Variants in CCDC27 observed in about 807,000 individuals in gnomAD.
CCDC27 encodes the protein coiled-coil domain-containing protein 27.
A neutral mutation model predicts 80.3 loss-of-function variants in CCDC27; 80 were observed. The ratio of observed to expected loss-of-function variants is 1.00; its 90% CI spans 0.83 to 1.20. The LOEUF (loss-of-function observed/expected upper bound fraction) is 1.20, where lower values mean the gene tolerates loss of function less well. Among genes scored for constraint, CCDC27 ranks in the 50% most tolerant of loss-of-function variants. The pLI is 0.00. For missense variants in CCDC27, 815 were observed against 809.4 expected, an observed-to-expected ratio of 1.01 and a Z score of -0.08; for synonymous variants, 342 against 334.3, an observed-to-expected ratio of 1.02 and a Z score of -0.25.
rs1227266108 is a variant in CCDC27 at position 3,768,723 on chromosome 1, G to C, written c.1744-1060G>C. 6.6e-6 allele frequency among the ~76,000 whole-genome samples: 1 copy of C among 152,156 alleles called. No individual in the cohort carries two copies. Among genetic ancestry groups the C allele is most frequent in the African/African-American group, 2.4e-5 (1 of 41,428 alleles). ...TGTGAAGCTAAGTCCGGGTGAGCAG[G>C]AACTAGCGCCAAGCCTGATGGTGAG... On this transcript the variant is annotated intron_variant, in intron 10 of 11. Transcript: ENST00000294600. This position sits in a 1 kb window ranked among gnomAD's most constrained non-coding sequence, Gnocchi z 5.6.
intron 8 of CCDC27, among the ~76,000 whole-genome samples, chr1:3,764,073 G>T (rs905169463): frequency 2.6e-5 from 4 of 152,164 alleles, no homozygotes; most frequent in Non-Finnish European, 5.9e-5. Context: ...CTGTCCCTGG[G>T]CTGGAGGCAA....
In CCDC27 at chr1:3,766,740, C is replaced by T; in HGVS notation, c.1530+128C>T. The T allele has an allele frequency of 1.5e-6, 1 of 684,318 alleles. No individual in the cohort carries two copies. The allele number at this position is 684,318 out of a possible 1,614,324, so 42.4% of individuals were successfully genotyped here. On this transcript the variant is annotated intron_variant, in intron 9 of 11. Coordinates refer to ENST00000294600, the MANE Select transcript of CCDC27 (RefSeq NM_152492.3). This position sits in a 1 kb window ranked among gnomAD's most constrained non-coding sequence, Gnocchi z 6.1. ...AGCCAGGACCCCTTCGGTAGCATGC[C>T]ACTCGACAGATCTCTGCACCCCACG...
chr1:3,766,554 A>G lies in CCDC27; in HGVS notation c.1472A>G (p.Asp491Gly). ...TTCCAGTTCTCCAACCTCCGAGAAG[A>G]TAAGAAACACCAAGAGATGATGGGG... The part of the protein sequence containing the change: ...MTDKFSNLRE[D>G]KKHQEMMGLI... Residue 491 changes from aspartate to glycine, a missense_variant, in exon 9 of 12, where the codon GAT (aspartate) becomes GGT (glycine). Coordinates refer to ENST00000294600, the MANE Select transcript of CCDC27 (RefSeq NM_152492.3). The surrounding 1 kb of genome is among the most constrained non-coding windows in gnomAD (Gnocchi z 6.1). 1 of 1,613,942 alleles carries G rather than the reference A, an allele frequency of 6.2e-7. No individual in the cohort carries two copies. The highest frequency in any genetic ancestry group is 8.5e-7 in the Non-Finnish European group (1 of 1,179,950).
At position 3,761,241 on chromosome 1, in the gene CCDC27, C is replaced by T; in HGVS notation, c.712-40C>T. 1.2e-6 allele frequency: 2 copies of T among 1,603,162 alleles called. No homozygotes were observed. The highest frequency in any genetic ancestry group is 1.7e-6 in the Non-Finnish European group (2 of 1,174,080). On this transcript the variant is annotated intron_variant, in intron 4 of 11. Transcript: ENST00000294600. This position sits in a 1 kb window ranked among gnomAD's most constrained non-coding sequence, Gnocchi z 5.0. Reference sequence around the variant, plus strand: ...GGCAGGTCAGGGGAAGAGTGTGTGGCTGCATGGCCCACGGGGGCTGCCCTT... The same window carrying T: ...GGCAGGTCAGGGGAAGAGTGTGTGGTTGCATGGCCCACGGGGGCTGCCCTT...
At chr1:3,770,077 G>C in intron 11 of CCDC27, among the ~76,000 whole-genome samples, 190 bp downstream of exon 11, 1 of 152,166 alleles carries the variant, frequency 6.6e-6, no homozygotes, top group Non-Finnish European at 1.5e-5. Context: ...CCTAAGGCAG[G>C]TGGGGGCATG....
chr1:3,756,553 A>G (rs1642958801), intron 3 of CCDC27, 180 bp from the exon 4 acceptor site: 1 of 614,358 alleles, frequency 1.6e-6, no homozygotes, highest in Non-Finnish European at 2.8e-6. Context: ...TGTTCACAGC[A>G]GCACCACACT....
chr1:3,762,530 G>A lies in CCDC27; in HGVS notation c.862-90G>A, dbSNP rs947392505. ...CAGGTCCCCTCCCCAGACATGAGAG[G>A]CCGCTGTCCCTTCTAGGACAGGCAG... On this transcript the variant is annotated intron_variant, in intron 5 of 11. Coordinates refer to ENST00000294600, the MANE Select transcript of CCDC27 (RefSeq NM_152492.3). The A allele has an allele frequency of 5.0e-6, 5 of 1,009,232 alleles. No homozygotes were observed. The African/African-American group carries it at 6.5e-5, about 13-fold the overall frequency. The allele number at this position is 1,009,232 out of a possible 1,614,324, so 62.5% of individuals were successfully genotyped here. A position where few individuals can be genotyped will look rare whatever the true frequency, so the allele number is the denominator to read the frequency against.
At position 3,769,493 on chromosome 1, in the gene CCDC27, ATG is replaced by A. The variant is rs912344883; in HGVS notation, c.1744-282_1744-281del. Among the ~76,000 whole-genome samples the A allele has an allele frequency of 6.6e-6, 1 of 152,012 alleles. No homozygotes were observed. The highest frequency in any genetic ancestry group is 1.5e-5 in the Non-Finnish European group (1 of 67,986). ...TTTGTTGGTTTAAAAATATATATAT[ATG>A]TGTGTGTAGGTTTTACTTTCCAATT... On this transcript the variant is annotated intron_variant, in intron 10 of 11. Coordinates refer to ENST00000294600, the MANE Select transcript of CCDC27 (RefSeq NM_152492.3). The surrounding 1 kb of genome is among the most constrained non-coding windows in gnomAD (Gnocchi z 4.6).
intron 8 of CCDC27, among the ~76,000 whole-genome samples, chr1:3,764,584 T>C (rs1194739522): frequency 6.6e-6 from 1 of 152,214 alleles, no homozygotes; most frequent in African/African-American, 2.4e-5. Flanking sequence ...ATTAGGACAG[T>C]TATTTGTCTC....
chr1:3,766,567 A>G lies in CCDC27; in HGVS notation c.1485A>G (p.Gln495=). The change falls in exon 9 of 12, where the codon CAA becomes CAG. Residue 495 remains glutamine, a synonymous_variant. Transcript: ENST00000294600. The surrounding 1 kb of genome is among the most constrained non-coding windows in gnomAD (Gnocchi z 6.1). ...ACCTCCGAGAAGATAAGAAACACCA[A>G]GAGATGATGGGGCTCATTGAAAAGG... ...FSNLREDKKH[Q]EMMGLIEKDN... The G allele has an allele frequency of 6.2e-7, 1 of 1,613,878 alleles. No individual in the cohort carries two copies. The highest frequency in any genetic ancestry group is 8.5e-7 in the Non-Finnish European group (1 of 1,179,944).
intron 4 of CCDC27, 29 bp downstream of exon 4, chr1:3,756,919 C>A (rs1313286151): frequency 6.9e-6 from 11 of 1,595,774 alleles, no homozygotes; most frequent in African/African-American, 4.0e-5. Context: ...CAAATCCCGG[C>A]CCCCCACCCC....
chr1:3,768,924 T>A lies in CCDC27; in HGVS notation c.1744-859T>A, dbSNP rs1164263932. Among the ~76,000 whole-genome samples the A allele has an allele frequency of 1.3e-5, 2 of 152,138 alleles. No individual in the cohort carries two copies. The highest frequency in any genetic ancestry group is 4.8e-5 in the African/African-American group (2 of 41,450). ...TAAATACTGGAAAGAAGGAAAGGAT[T>A]CCACTCCTCACACAGGCCAGGGGCC... On this transcript the variant is annotated intron_variant, in intron 10 of 11. Coordinates refer to ENST00000294600, the MANE Select transcript of CCDC27 (RefSeq NM_152492.3). This position sits in a 1 kb window ranked among gnomAD's most constrained non-coding sequence, Gnocchi z 5.6.
At chr1:3,758,215 G>T (rs1643006844) in intron 4 of CCDC27, among the ~76,000 whole-genome samples, 2 of 152,114 alleles carry the variant, frequency 1.3e-5, no homozygotes, top group Non-Finnish European at 2.9e-5. Context: ...TTTTGAGACA[G>T]AGTCTCTCTC....
rs926746766 is a variant in CCDC27, at chr1:3,766,399, T to C, written c.1453-136T>C. 6.6e-6 allele frequency: 4 copies of C among 609,570 alleles called. No individual in the cohort carries two copies. Among genetic ancestry groups the C allele is most frequent in the Admixed American group, 3.1e-5 (1 of 32,774 alleles). 37.8% of individuals were successfully genotyped at this position (609,570 alleles called of 1,614,324 possible). On this transcript the variant is annotated intron_variant, in intron 8 of 11. Coordinates refer to ENST00000294600, the MANE Select transcript of CCDC27 (RefSeq NM_152492.3). This position sits in a 1 kb window ranked among gnomAD's most constrained non-coding sequence, Gnocchi z 6.1. Reference sequence around the variant, plus strand: ...ATTTTTAGTCCTTTTTCTTCTTCTCTTCTCCCTGCCTTCAATAGAAATCCC... The same window carrying C: ...ATTTTTAGTCCTTTTTCTTCTTCTCCTCTCCCTGCCTTCAATAGAAATCCC...
intron 4 of CCDC27, among the ~76,000 whole-genome samples, chr1:3,757,789 G>A (rs1362618706): frequency 6.6e-6 from 1 of 152,040 alleles, no homozygotes; most frequent in Non-Finnish European, 1.5e-5. Context: ...AGGCGTGGTG[G>A]TGGGTGCCTG....
In CCDC27 at chr1:3,761,268, G is replaced by C. The variant is rs1298677968; in HGVS notation, c.712-13G>C. 6.2e-7 allele frequency: 1 copy of C among 1,612,954 alleles called. No individual in the cohort carries two copies. The highest frequency in any genetic ancestry group is 8.5e-7 in the Non-Finnish European group (1 of 1,179,324). ...GCATGGCCCACGGGGGCTGCCCTTG[G>C]TTTTCTGCCCAGGATCACTGCCTGT... On this transcript the variant is annotated splice_polypyrimidine_tract_variant and intron_variant, in intron 4 of 11. Transcript: ENST00000294600. The surrounding 1 kb of genome is among the most constrained non-coding windows in gnomAD (Gnocchi z 5.0).
At chr1:3,762,598 G>A in intron 5 of CCDC27, 22 bp from the exon 6 acceptor site, 1 of 1,548,006 alleles carries the variant, frequency 6.5e-7, no homozygotes, top group Non-Finnish European at 8.7e-7. Flanking sequence ...GGAAAGCTGA[G>A]GGTCCCACGG....
intron 3 of CCDC27, chr1:3,755,771 G>A: frequency 1.7e-6 from 1 of 576,276 alleles, no homozygotes; most frequent in South Asian, 2.0e-5. Context: ...AGTCCCCCCA[G>A]GACCGTGGCC....
chr1:3,769,398 C>T lies in CCDC27; in HGVS notation c.1744-385C>T, dbSNP rs1023244506. On this transcript the variant is annotated intron_variant, in intron 10 of 11. Transcript: ENST00000294600. The surrounding 1 kb of genome is among the most constrained non-coding windows in gnomAD (Gnocchi z 4.6). ...GAGTGTCCCCAAGGGCCAGGAAGTC[C>T]GCTCACTGCAGCTCCCCTGGGCAGT... Among the ~76,000 whole-genome samples the T allele has an allele frequency of 2.6e-5, 4 of 152,174 alleles. No individual in the cohort carries two copies. Among genetic ancestry groups the T allele is most frequent in the Non-Finnish European group, 5.9e-5 (4 of 68,018 alleles).
Sources: allele counts gnomAD v4.1 joint callset (sites outside exome capture counted in the v4.1 genomes callset), GRCh38; gene constraint gnomAD v4.1.1; non-coding constraint Gnocchi (gnomAD v3.1); transcripts MANE v1.5; gene names NCBI Gene and HGNC (gene_info 2026-07-23, HGNC 2026-07-21).